Variants in KCND2 observed in about 807,000 individuals in gnomAD.
KCND2 encodes the protein potassium voltage-gated channel subfamily D member 2, also known as A-type voltage-gated potassium channel KCND2.
Under a neutral mutation model 54.4 loss-of-function variants are expected in KCND2, and 16 were observed. The observed-to-expected ratio is 0.29, with a 90% CI of 0.20 to 0.45. The LOEUF (loss-of-function observed/expected upper bound fraction) is 0.45, where lower values mean the gene tolerates loss of function less well. Among genes scored for constraint, KCND2 ranks in the 20% least tolerant of loss-of-function variants. The pLI is 1.00. For missense variants in KCND2, 486 were observed against 824.2 expected, an observed-to-expected ratio of 0.59 and a Z score of 5.02; for synonymous variants, 317 against 310.7, an observed-to-expected ratio of 1.02 and a Z score of -0.21.
chr7:120,573,824 A>G (rs1792394814), intron 1 of KCND2, among the ~76,000 whole-genome samples: 1 of 152,186 alleles, frequency 6.6e-6, no homozygotes, highest in African/African-American at 2.4e-5. Context: ...CAAAGCACCA[A>G]TTCTATAATA....
intron 1 of KCND2, among the ~76,000 whole-genome samples, chr7:120,549,490 T>G (rs1792080994): frequency 6.6e-6 from 1 of 152,198 alleles, no homozygotes; most frequent in South Asian, 2.1e-4. Context: ...AGTGTTTGTG[T>G]GTTGATTAAC....
intron 1 of KCND2, among the ~76,000 whole-genome samples, chr7:120,337,440 T>C (rs1398891866): frequency 5.3e-5 from 8 of 152,144 alleles, no homozygotes; most frequent in East Asian, 3.8e-4. Flanking sequence ...AGAGAGTATA[T>C]AGTGGAGCAG....
At chr7:120,672,903 A>C (rs1792010497) in intron 1 of KCND2, 1 of 152,124 alleles carries the variant, frequency 6.6e-6, no homozygotes, top group African/African-American at 2.4e-5. Flanking sequence ...ATAATATAGG[A>C]AGGATACATA....
intron 1 of KCND2, among the ~76,000 whole-genome samples, chr7:120,641,281 G>A (rs1441734628): frequency 1.3e-5 from 2 of 151,956 alleles, no homozygotes; most frequent in Admixed American, 1.3e-4. Flanking sequence ...TATTGAACTA[G>A]AGGAGAACAC....
At chr7:120,718,470 T>C (rs1792629694) in intron 1 of KCND2, among the ~76,000 whole-genome samples, 2 of 152,172 alleles carry the variant, frequency 1.3e-5, no homozygotes, top group South Asian at 2.1e-4. Flanking sequence ...CAAATTTCAG[T>C]GTCCCTCCAT....
At chr7:120,532,016 T>C (rs1791848809) in intron 1 of KCND2, among the ~76,000 whole-genome samples, 1 of 152,068 alleles carries the variant, frequency 6.6e-6, no homozygotes, top group Admixed American at 6.6e-5. Context: ...GAGCTGATCA[T>C]TGATTGGACA....
chr7:120,455,132 CT>C (rs957797464), intron 1 of KCND2, among the ~76,000 whole-genome samples: 8 of 151,776 alleles, frequency 5.3e-5, no homozygotes, highest in African/African-American at 1.7e-4. Flanking sequence ...AGATTCAATA[CT>C]TTTTTTTATC....
chr7:120,301,991 T>A (rs531291120), intron 1 of KCND2, among the ~76,000 whole-genome samples: 20 of 152,276 alleles, frequency 1.3e-4, no homozygotes, highest in Admixed American at 2.0e-4. Flanking sequence ...ATATTTTTAG[T>A]TTACTTGTTA....
chr7:120,587,174 A>G (rs1358365466), intron 1 of KCND2, among the ~76,000 whole-genome samples: 4 of 152,128 alleles, frequency 2.6e-5, no homozygotes, highest in Non-Finnish European at 5.9e-5. Flanking sequence ...TTCTTTGGTA[A>G]TTTTAGTCAA....
At chr7:120,288,228 A>G (rs746061619) in intron 1 of KCND2, among the ~76,000 whole-genome samples, 13 of 152,142 alleles carry the variant, frequency 8.5e-5, no homozygotes, top group Non-Finnish European at 1.9e-4. Context: ...AAGCCTCTGA[A>G]CAAAGGAGGA....
At chr7:120,524,255 A>T (rs1170339309) in intron 1 of KCND2, among the ~76,000 whole-genome samples, 1 of 152,070 alleles carries the variant, frequency 6.6e-6, no homozygotes, top group African/African-American at 2.4e-5. Context: ...AAAAAAGCCA[A>T]AATTGAGGAG....
chr7:120,618,827 T>A (rs1229432662), intron 1 of KCND2, among the ~76,000 whole-genome samples: 1 of 152,202 alleles, frequency 6.6e-6, no homozygotes, highest in Middle Eastern at 3.2e-3. Flanking sequence ...AAGAGATTTT[T>A]AAATTTTTTT....
chr7:120,479,402 TTTGA>T (rs1054237539), intron 1 of KCND2, among the ~76,000 whole-genome samples: 5 of 151,912 alleles, frequency 3.3e-5, no homozygotes, highest in African/African-American at 1.2e-4. Context: ...AGTATACATG[TTTGA>T]TTAAAATATT....
chr7:120,490,680 C>A (rs1033593324), intron 1 of KCND2, among the ~76,000 whole-genome samples: 1 of 152,006 alleles, frequency 6.6e-6, no homozygotes, highest in African/African-American at 2.4e-5. Flanking sequence ...TCATGGCATA[C>A]CTGTGTGGCT....
At chr7:120,595,038 A>AAG (rs529985529) in intron 1 of KCND2, among the ~76,000 whole-genome samples, 280 of 151,206 alleles carry the variant, frequency 1.9e-3, no homozygotes, top group Middle Eastern at 7.0e-3. Flanking sequence ...AAAAAAAAAA[A>AAG]AGAGAGAGAG....
rs566398177 is a variant in KCND2, at chr7:120,642,522, C to T, written c.1116-90381C>T. On this transcript the variant is annotated intron_variant, in intron 1 of 5. Transcript: ENST00000331113. The stretch of plus-strand genomic sequence containing the variant: ...GGTTGCAGTGAGCTGAGACTGCACT[C>T]CAGCCTGGGTGACAGATTGATAATT... Among the ~76,000 whole-genome samples the T allele has an allele frequency of 8.0e-5, 12 of 150,886 alleles. No homozygotes were observed. The South Asian group carries it at 2.3e-3, about 29-fold the overall frequency.
intron 1 of KCND2, among the ~76,000 whole-genome samples, chr7:120,457,084 G>A (rs1362176873): frequency 6.6e-6 from 1 of 152,196 alleles, no homozygotes. Context: ...TTTTGGTCAT[G>A]GCTGGAGCAG....
At chr7:120,499,741 A>G (rs1006347688) in intron 1 of KCND2, among the ~76,000 whole-genome samples, 2 of 152,218 alleles carry the variant, frequency 1.3e-5, no homozygotes, top group African/African-American at 2.4e-5. Context: ...TGCTGTCCCC[A>G]CCTAGAAGCC....
intron 1 of KCND2, among the ~76,000 whole-genome samples, chr7:120,347,660 G>A (rs1342963009): frequency 2.0e-5 from 3 of 151,964 alleles, no homozygotes; most frequent in Admixed American, 1.3e-4. Context: ...GGGAGGCTGA[G>A]GCAGGAGAAT....
Sources: gnomAD v4.1 joint callset for allele counts (sites outside exome capture counted in the v4.1 genomes callset) on GRCh38, gnomAD v4.1.1 for gene constraint, MANE v1.5 for transcripts, NCBI Gene and HGNC (gene_info 2026-07-23, HGNC 2026-07-21) for gene names.